The following GRM1 variants were observed in gnomAD, a reference collection of about 807,000 sequenced individuals.
GRM1 encodes the protein glutamate metabotropic receptor 1.
GRM1 carries 33 observed loss-of-function variants against 90.9 expected under a neutral mutation model. The ratio of observed to expected loss-of-function variants is 0.36; its 90% CI spans 0.28 to 0.49. The LOEUF is 0.49. GRM1 is among the 20% of genes least tolerant of loss of function. The probability of loss-of-function intolerance (pLI) is 0.99; values close to 1 mark genes in which losing one functional copy is unlikely to be tolerated. For synonymous variants in GRM1, 700 were observed against 613.2 expected, an observed-to-expected ratio of 1.14 and a Z score of -2.09; for missense variants, 1,190 against 1,534.3, an observed-to-expected ratio of 0.78 and a Z score of 3.75.
chr6:146,380,213 C>G (rs1438118989), intron 5 of GRM1, among the ~76,000 whole-genome samples: 1 of 152,096 alleles, frequency 6.6e-6, no homozygotes, highest in East Asian at 1.9e-4. Flanking sequence ...TCCCAGAGCC[C>G]TGTGTGGATT....
At chr6:146,381,790 A>T (rs899425624) in intron 5 of GRM1, among the ~76,000 whole-genome samples, 45 of 152,052 alleles carry the variant, frequency 3.0e-4, no homozygotes, top group Non-Finnish European at 6.2e-4. Flanking sequence ...TACAAAGAAA[A>T]TTTTCTCTTT....
At chr6:146,395,727 T>A (rs1182544996) in intron 6 of GRM1, among the ~76,000 whole-genome samples, 3 of 152,176 alleles carry the variant, frequency 2.0e-5, no homozygotes, top group Admixed American at 2.0e-4. Context: ...CTTCTATAGA[T>A]CTGACTTGTG....
intron 7 of GRM1, among the ~76,000 whole-genome samples, chr6:146,407,043 T>C (rs1403701560): frequency 6.6e-6 from 1 of 152,146 alleles, no homozygotes; most frequent in Non-Finnish European, 1.5e-5. Context: ...TCGTTTGAGG[T>C]AAAGTCCTGT....
intron 3 of GRM1, among the ~76,000 whole-genome samples, chr6:146,348,366 C>T (rs538746543): frequency 6.6e-6 from 1 of 152,250 alleles, no homozygotes; most frequent in Admixed American, 6.5e-5. Flanking sequence ...AGGAAATGGC[C>T]CTATAAAAGC....
chr6:146,152,777 G>A (rs1777387974), intron 1 of GRM1, among the ~76,000 whole-genome samples: 1 of 152,152 alleles, frequency 6.6e-6, no homozygotes, highest in Non-Finnish European at 1.5e-5. Flanking sequence ...GAATTTTTCA[G>A]GTTAAGAGTT....
intron 1 of GRM1, among the ~76,000 whole-genome samples, chr6:146,066,798 A>C (rs1044070904): frequency 6.6e-6 from 1 of 151,686 alleles, no homozygotes; most frequent in East Asian, 1.9e-4. Flanking sequence ...GAGAGAGAAC[A>C]CAGTAAATGC....
chr6:146,289,843 A>C (rs1034406408), intron 2 of GRM1, among the ~76,000 whole-genome samples: 2 of 152,252 alleles, frequency 1.3e-5, no homozygotes, highest in Non-Finnish European at 2.9e-5. Flanking sequence ...CAGTGTAGGA[A>C]TGTAGTAAAC....
intron 5 of GRM1, among the ~76,000 whole-genome samples, chr6:146,363,447 G>C (rs362908): frequency 0.049 from 7,533 of 152,200 alleles, 267 homozygotes; most frequent in African/African-American, 0.097. Context: ...TTATCTGGAA[G>C]CTTGGATACC....
intron 2 of GRM1, among the ~76,000 whole-genome samples, chr6:146,295,971 G>A (rs1010699121): frequency 3.3e-5 from 5 of 152,102 alleles, no homozygotes; most frequent in East Asian, 1.9e-4. Flanking sequence ...GAGAACATCC[G>A]GTATTTGGTT....
intron 1 of GRM1, among the ~76,000 whole-genome samples, chr6:146,139,290 C>G (rs1280437526): frequency 1.3e-5 from 2 of 151,980 alleles, no homozygotes; most frequent in Non-Finnish European, 2.9e-5. Context: ...TATTCTGGAG[C>G]CATTGGATAA....
At chr6:146,423,711 C>T (rs1426321656) in intron 7 of GRM1, among the ~76,000 whole-genome samples, 1 of 152,134 alleles carries the variant, frequency 6.6e-6, no homozygotes, top group African/African-American at 2.4e-5. Flanking sequence ...CTGTGGGACT[C>T]TGCTAAGGTC....
At chr6:146,430,329 A>G (rs545550531) in intron 7 of GRM1, among the ~76,000 whole-genome samples, 1 of 152,250 alleles carries the variant, frequency 6.6e-6, no homozygotes, top group East Asian at 1.9e-4. Context: ...ACATTATCCT[A>G]TACATCCTGT....
intron 2 of GRM1, among the ~76,000 whole-genome samples, chr6:146,263,312 A>G (rs892894653): frequency 3.9e-5 from 6 of 152,052 alleles, no homozygotes; most frequent in Non-Finnish European, 8.8e-5. Context: ...TTATATAATT[A>G]TAACTAAATC....
intron 1 of GRM1, among the ~76,000 whole-genome samples, chr6:146,044,737 G>T (rs1163370948): frequency 6.6e-6 from 1 of 151,836 alleles, no homozygotes; most frequent in African/African-American, 2.4e-5. Context: ...AAATATCTTT[G>T]ATATGCCATT....
chr6:146,034,174 G>C (rs1459334715), intron 1 of GRM1, among the ~76,000 whole-genome samples: 1 of 152,010 alleles, frequency 6.6e-6, no homozygotes, highest in African/African-American at 2.4e-5. Context: ...AATTTCACCT[G>C]ACTTTTAGTC....
At chr6:146,259,777 C>T (rs1394059900) in intron 2 of GRM1, among the ~76,000 whole-genome samples, 1 of 152,006 alleles carries the variant, frequency 6.6e-6, no homozygotes, top group African/African-American at 2.4e-5. Context: ...TACACTATCT[C>T]TTTGTGTTCC....
chr6:146,123,628 G>T (rs545420685), intron 1 of GRM1, among the ~76,000 whole-genome samples: 2 of 152,280 alleles, frequency 1.3e-5, no homozygotes, highest in African/African-American at 4.8e-5. Context: ...ACCCAACTGT[G>T]CCTCCAGTCC....
At chr6:146,312,071 G>T (rs891814805) in intron 3 of GRM1, among the ~76,000 whole-genome samples, 1 of 152,066 alleles carries the variant, frequency 6.6e-6, no homozygotes, top group South Asian at 2.1e-4. Flanking sequence ...GCCTGGTGCG[G>T]TGGCTCACGC....
chr6:146,118,048 T>G (rs1022005045), intron 1 of GRM1, among the ~76,000 whole-genome samples: 1 of 151,908 alleles, frequency 6.6e-6, no homozygotes, highest in African/African-American at 2.4e-5. Flanking sequence ...AAATTTTTTT[T>G]CAAAAAAGAT....
Sources: allele counts gnomAD v4.1 joint callset (sites outside exome capture counted in the v4.1 genomes callset), GRCh38; gene constraint gnomAD v4.1.1; transcripts MANE v1.5; gene names NCBI Gene and HGNC (gene_info 2026-07-23, HGNC 2026-07-21).